Variants in NRDE2 observed in about 807,000 individuals in gnomAD.
The protein encoded by NRDE2 is nuclear exosome regulator NRDE2.
In NRDE2, 76 loss-of-function variants were observed where a neutral mutation model predicts 124.2. The observed-to-expected ratio is 0.61, with a 90% CI of 0.51 to 0.74. The LOEUF (loss-of-function observed/expected upper bound fraction) is 0.74. NRDE2 is among the 30% of genes least tolerant of loss of function. NRDE2 has a pLI of 0.00. For synonymous variants in NRDE2, 489 were observed against 528.1 expected, an observed-to-expected ratio of 0.93 and a Z score of 1.01; for missense variants, 1,314 against 1,417.3, an observed-to-expected ratio of 0.93 and a Z score of 1.17.
chr14:90,292,955 T>C (rs1892313603), intron 8 of NRDE2, 83 bp from the exon 9 acceptor site: 6 of 1,316,440 alleles, frequency 4.6e-6, no homozygotes, highest in Non-Finnish European at 6.4e-6. Context: ...TCAGGGACTG[T>C]TGGGCACCCG....
chr14:90,269,214 T>C lies in NRDE2; in HGVS notation c.*9122A>G. On this transcript the variant is annotated 3_prime_UTR_variant, in exon 14 of 14. Coordinates refer to ENST00000354366, the MANE Select transcript of NRDE2 (RefSeq NM_017970.4). ...GTTTCAACACATAAATTTGGGGAAA[T>C]ACATTCAGACCATGGCAAGGGGTGC... The C allele has an allele frequency of 1.7e-6, 1 of 590,772 alleles. No homozygotes were observed. Among genetic ancestry groups the C allele is most frequent in the African/African-American group, 1.9e-5 (1 of 53,790 alleles). 36.6% of individuals were successfully genotyped at this position (590,772 alleles called of 1,614,324 possible).
At chr14:90,278,936 C>T in intron 13 of NRDE2, 126 bp downstream of exon 13, 2 of 717,328 alleles carry the variant, frequency 2.8e-6, no homozygotes, top group South Asian at 1.7e-5. Context: ...TACCTTGGGA[C>T]AGGGTATGGC....
intron 4 of NRDE2, 81 bp from the exon 5 acceptor site, chr14:90,304,463 C>G: frequency 5.7e-6 from 6 of 1,050,386 alleles, no homozygotes; most frequent in Non-Finnish European, 8.2e-6. Context: ...TAGACCTAAA[C>G]TCTCGTTATG....
chr14:90,330,358 G>A (rs537834985), intron 1 of NRDE2, among the ~76,000 whole-genome samples: 1 of 152,018 alleles, frequency 6.6e-6, no homozygotes, highest in East Asian at 1.9e-4. Flanking sequence ...AACTACTATC[G>A]ATCTGTACAT....
rs1884520804 is a variant in NRDE2, at chr14:90,304,296, T to C, written c.644A>G (p.His215Arg). 1 of 1,614,060 alleles carries C rather than the reference T, an allele frequency of 6.2e-7. No homozygotes were observed. Among genetic ancestry groups the C allele is most frequent in the Non-Finnish European group, 8.5e-7 (1 of 1,180,010 alleles). The change falls in exon 5 of 14, where the codon CAT becomes CGT. Residue 215 changes from histidine to arginine, a missense_variant. Coordinates refer to ENST00000354366, the MANE Select transcript of NRDE2 (RefSeq NM_017970.4). ...SWEGTSTEKK[H>R]SRKQVERYFT... ...ATAGCGTTCAACCTGCTTGCGTGAATGCTTCTTCTCTGTGGAAGTCCCTTC... is the reference window on the plus strand; with the variant it reads ...ATAGCGTTCAACCTGCTTGCGTGAACGCTTCTTCTCTGTGGAAGTCCCTTC...
intron 4 of NRDE2, among the ~76,000 whole-genome samples, chr14:90,310,350 C>A (rs1018172279): frequency 2.6e-5 from 4 of 152,136 alleles, no homozygotes; most frequent in African/African-American, 9.7e-5. Flanking sequence ...CATGATCTTG[C>A]GCAGTTACTT....
chr14:90,287,033 CAAAAAAAAAAA>C (rs60863011), intron 11 of NRDE2, among the ~76,000 whole-genome samples: 20 of 23,816 alleles, frequency 8.4e-4, no homozygotes, highest in Admixed American at 2.5e-3. Context: ...GACTCCGTCT[CAAAAAAAAAAA>C]AAAAAAAAAA....
intron 10 of NRDE2, 29 bp from the exon 11 acceptor site, chr14:90,289,174 A>G: frequency 6.4e-7 from 1 of 1,555,540 alleles, no homozygotes. Context: ...GAATGACTGC[A>G]GGTGCTCTGT....
intron 4 of NRDE2, among the ~76,000 whole-genome samples, chr14:90,305,741 G>GAAACC (rs1221494440): frequency 6.6e-6 from 1 of 152,212 alleles, no homozygotes; most frequent in East Asian, 1.9e-4. Flanking sequence ...ATTGAGGGTG[G>GAAACC]AAACAAGTAA....
chr14:90,306,019 G>A (rs566202994), intron 4 of NRDE2, among the ~76,000 whole-genome samples: 6 of 152,222 alleles, frequency 3.9e-5, no homozygotes, highest in African/African-American at 1.4e-4. Context: ...AAATAGGATG[G>A]GCTGATGGAT....
chr14:90,310,609 CT>C (rs1230821981), intron 4 of NRDE2, among the ~76,000 whole-genome samples: 1 of 151,630 alleles, frequency 6.6e-6, no homozygotes, highest in African/African-American at 2.4e-5. Context: ...CAACCTCCAT[CT>C]CCCAGGTTCA....
Position 90,331,909 on chromosome 14 carries a change from A to C in NRDE2, c.-5T>G, listed in dbSNP as rs1445387241. ...AAAGGCTGGGAACAGCGCCATGACC[A>C]CAGGCCGTACCTCCGTTCTTCTCTA... On this transcript the variant is annotated 5_prime_UTR_variant, in exon 1 of 14. Coordinates refer to ENST00000354366, the MANE Select transcript of NRDE2 (RefSeq NM_017970.4). The C allele has an allele frequency of 1.2e-5, 19 of 1,613,968 alleles. No homozygotes were observed. The highest frequency in any genetic ancestry group is 1.1e-4 in the African/African-American group (8 of 74,936).
chr14:90,278,353 G>A lies in NRDE2; in HGVS notation c.3478C>T (p.Leu1160=), dbSNP rs1039648672. ...GCTGCTCTCTAATCCTCCAGCAGCA[G>A]CTCCAGCTCCTCCAGCGGCAGGCGC... is the stretch of plus-strand genomic sequence containing the variant. ...RVRLPLEELE[L]LLED is the part of the protein sequence containing the mutation. Residue 1160 remains leucine (L), a synonymous_variant, in exon 14 of 14, where the codon CTG becomes TTG. Coordinates refer to ENST00000354366, the MANE Select transcript of NRDE2 (RefSeq NM_017970.4). 1.9e-6 allele frequency: 3 copies of A among 1,614,002 alleles called. No homozygotes were observed. Among genetic ancestry groups the A allele is most frequent in the East Asian group, 2.2e-5 (1 of 44,896 alleles).
chr14:90,279,542 C>T (rs1236719838), intron 12 of NRDE2: 2 of 161,630 alleles, frequency 1.2e-5, no homozygotes, highest in East Asian at 3.6e-4. Context: ...ATAGAGAAGA[C>T]ACTTGCTTTA....
intron 3 of NRDE2, among the ~76,000 whole-genome samples, chr14:90,316,040 T>A (rs1885034952): frequency 6.7e-6 from 1 of 149,110 alleles, no homozygotes. Flanking sequence ...AACACTGTAA[T>A]CATGAGCTGT....
chr14:90,282,894 C>G (rs748675942), intron 12 of NRDE2, among the ~76,000 whole-genome samples: 3 of 152,066 alleles, frequency 2.0e-5, no homozygotes, highest in African/African-American at 4.8e-5. Flanking sequence ...CTCGAACTCC[C>G]GAACTCCTTC....
In NRDE2 at chr14:90,304,180, T is replaced by A. The variant is rs1177777056; in HGVS notation, c.760A>T (p.Ile254Leu). The A allele has an allele frequency of 9.3e-6, 15 of 1,614,206 alleles. No individual in the cohort carries two copies. Among genetic ancestry groups the A allele is most frequent in the Non-Finnish European group, 9.3e-6 (11 of 1,180,046 alleles). The change falls in exon 5 of 14, where the codon ATA becomes TTA. Residue 254 changes from isoleucine (I) to leucine (L), a missense_variant. Ile to Leu is a conservative substitution (Grantham distance 5). Transcript: ENST00000354366. Reference protein sequence around the residue: ...EPPSSEPISFIPVKDLEDAAP... With the variant: ...EPPSSEPISFLPVKDLEDAAP... ...GCATCTTCCAAGTCCTTCACTGGTA[T>A]AAAGGAGATGGGCTCAGATGAGGGA...
At chr14:90,331,307 T>C (rs1427334337) in intron 1 of NRDE2, among the ~76,000 whole-genome samples, 1 of 152,184 alleles carries the variant, frequency 6.6e-6, no homozygotes, top group Non-Finnish European at 1.5e-5. Context: ...TGATACACAC[T>C]AGGCCCTCAA....
intron 13 of NRDE2, 122 bp downstream of exon 13, chr14:90,278,940 G>C (rs1891876885): frequency 2.7e-6 from 2 of 739,770 alleles, no homozygotes; most frequent in Admixed American, 2.0e-5. Context: ...TTGGGACAGG[G>C]TATGGCGTCC....
Sources: allele counts gnomAD v4.1 joint callset (sites outside exome capture counted in the v4.1 genomes callset), GRCh38; gene constraint gnomAD v4.1.1; transcripts MANE v1.5; gene names NCBI Gene and HGNC (gene_info 2026-07-23, HGNC 2026-07-21).